The following GAB4 variants were observed in gnomAD, a reference collection of about 807,000 sequenced individuals.
The protein encoded by GAB4 is GRB2-associated-binding protein 4.
Under a neutral mutation model 51.3 loss-of-function variants are expected in GAB4, and 26 were observed. The ratio of observed to expected loss-of-function variants is 0.51; its 90% CI spans 0.37 to 0.70. The LOEUF is 0.70. Among genes scored for constraint, GAB4 ranks in the 30% least tolerant of loss-of-function variants. The pLI is 0.00. For synonymous variants in GAB4, 329 were observed against 291.2 expected (o/e 1.13, Z -1.32); for missense variants, 759 against 734.6 (o/e 1.03, Z -0.38).
At chr22:16,990,914 A>C (rs2060908260) in intron 2 of GAB4, among the ~76,000 whole-genome samples, 1 of 152,106 alleles carries the variant, frequency 6.6e-6, no homozygotes, top group Non-Finnish European at 1.5e-5. Flanking sequence ...TTCTCACGAG[A>C]ATGTGCAGGT....
At chr22:16,999,997 TC>T (rs1433046944) in intron 1 of GAB4, among the ~76,000 whole-genome samples, 2 of 152,228 alleles carry the variant, frequency 1.3e-5, no homozygotes, top group Non-Finnish European at 2.9e-5. Context: ...TGCACTGTGG[TC>T]TGAGACATGG....
Position 16,991,934 on chromosome 22 carries a change from G to C in GAB4, c.417C>G (p.Asp139Glu). The change falls in exon 2 of 10, where the codon GAC becomes GAG. Residue 139 changes from aspartate (D) to glutamate (E), a missense_variant. This residue lies in a region of GAB4 where 88 missense variants were observed against 151.3 expected (regional missense o/e 0.58). Coordinates refer to ENST00000400588, the MANE Select transcript of GAB4 (RefSeq NM_001037814.1). The stretch of plus-strand genomic sequence containing the variant: ...AGATGCTCTGGACCCACTCATTCAT[G>C]TCCTCCCTGGTCTCAGCCACCAGGT... ...TFYLVAETRE[D>E]MNEWVQSICQ... The C allele has an allele frequency of 6.2e-7, 1 of 1,614,034 alleles. No individual in the cohort carries two copies. Among genetic ancestry groups the C allele is most frequent in the Non-Finnish European group, 8.5e-7 (1 of 1,179,896 alleles).
chr22:16,996,749 T>C (rs2060952342), intron 1 of GAB4, among the ~76,000 whole-genome samples: 1 of 152,032 alleles, frequency 6.6e-6, no homozygotes, highest in Admixed American at 6.6e-5. Context: ...GCCATGTTGG[T>C]GTGCTGCATC....
rs62237422 is a variant in GAB4 at position 16,970,066 on chromosome 22, T to A, written c.814A>T (p.Ser272Cys). The change falls in exon 4 of 10, where the codon AGC (serine) becomes TGC (cysteine). Residue 272 changes from serine to cysteine, a missense_variant. Ser to Cys is a moderately radical substitution (Grantham distance 112). Around this residue, in one of 3 missense-constraint regions of GAB4, gnomAD observed 588 missense variants for 510.2 expected, o/e 1.15. Transcript: ENST00000400588. The part of the protein sequence containing the change: ...GVSGHIHGFH[S>C]LSKPSQHNAE... ...TTGTGCTGGCTGGGCTTGGAAAGGC[T>A]ATGGAAGCCATGGATGTGACCGCTG... 2 of 1,614,182 alleles carry A rather than the reference T, an allele frequency of 1.2e-6. No homozygotes were observed. The highest frequency in any genetic ancestry group is 1.1e-5 in the South Asian group (1 of 91,080).
chr22:16,961,972 A>AG lies in GAB4; in HGVS notation c.*760dup, dbSNP rs1201094890. On this transcript the variant is annotated 3_prime_UTR_variant, in exon 10 of 10. Coordinates refer to ENST00000400588, the MANE Select transcript of GAB4 (RefSeq NM_001037814.1). The stretch of plus-strand genomic sequence containing the variant: ...CAGATCAAGCCTTCTTAGGCAGGCA[A>AG]GGGCCCCCCAAGGGGCATCAGCAAA... The AG allele has an allele frequency of 6.6e-6, 1 of 152,356 alleles. No homozygotes were observed. The highest frequency in any genetic ancestry group is 1.5e-5 in the Non-Finnish European group (1 of 68,128). 9.4% of individuals were successfully genotyped at this position (152,356 alleles called of 1,614,324 possible). A position where few individuals can be genotyped will look rare whatever the true frequency, so the allele number is the denominator to read the frequency against.
At chr22:17,001,138 AT>A (rs2060994508) in intron 1 of GAB4, among the ~76,000 whole-genome samples, 1 of 152,074 alleles carries the variant, frequency 6.6e-6, no homozygotes, top group South Asian at 2.1e-4. Flanking sequence ...CTTCTCGAAG[AT>A]TATCTTTGCA....
intron 1 of GAB4, among the ~76,000 whole-genome samples, chr22:17,006,605 C>T (rs1468818149): frequency 6.6e-6 from 1 of 152,088 alleles, no homozygotes; most frequent in Non-Finnish European, 1.5e-5. Context: ...TGGAACCAAC[C>T]CAAATGCCCA....
intron 1 of GAB4, among the ~76,000 whole-genome samples, chr22:17,006,240 T>C (rs1428525513): frequency 1.3e-5 from 2 of 152,162 alleles, no homozygotes; most frequent in Admixed American, 6.5e-5. Flanking sequence ...CAGAAGAAGA[T>C]ATTTATGTGG....
intron 8 of GAB4, 109 bp downstream of exon 8, chr22:16,964,657 G>T: frequency 1.4e-6 from 1 of 704,534 alleles, no homozygotes; most frequent in Non-Finnish European, 2.5e-6. Context: ...AATCACACCT[G>T]ACTGGGCTGG....
chr22:16,970,765 A>C (rs1569093678), intron 3 of GAB4, among the ~76,000 whole-genome samples: 1 of 152,216 alleles, frequency 6.6e-6, no homozygotes, highest in South Asian at 2.1e-4. Flanking sequence ...AGAACTATTC[A>C]GACATAAGCA....
rs773796562 is a variant in GAB4 at position 16,970,131 on chromosome 22, T to G, written c.749A>C (p.Gln250Pro). ...GTATCCACTGTGCTGGGCAAGATTT[T>G]GCATGGCTGTGTTTCTCCTCATGAT... is the stretch of plus-strand genomic sequence containing the variant. ...PFIMRRNTAM[Q>P]NLAQHSGYSV... Residue 250 changes from glutamine to proline, a missense_variant, in exon 4 of 10, where the codon CAA (glutamine) becomes CCA (proline). Around this residue, in one of 3 missense-constraint regions of GAB4, gnomAD observed 588 missense variants for 510.2 expected, o/e 1.15. Transcript: ENST00000400588. The G allele has an allele frequency of 3.8e-5, 62 of 1,614,040 alleles. 1 individual carries two copies. In the South Asian group the frequency reaches 6.5e-4, roughly 17 times the overall value.
intron 3 of GAB4, among the ~76,000 whole-genome samples, chr22:16,970,564 C>G (rs2060722385): frequency 6.6e-6 from 1 of 152,134 alleles, no homozygotes; most frequent in Non-Finnish European, 1.5e-5. Flanking sequence ...AGCAGCAAGC[C>G]AGGTACACTG....
Position 16,969,987 on chromosome 22 carries a change from C to T in GAB4, c.893G>A (p.Gly298Asp), listed in dbSNP as rs1488721206. 3 of 1,614,028 alleles carry T rather than the reference C, an allele frequency of 1.9e-6. No homozygotes were observed. Among genetic ancestry groups the T allele is most frequent in the African/African-American group, 2.7e-5 (2 of 74,890 alleles). The stretch of plus-strand genomic sequence containing the variant: ...GCCTGTGAGGCTGCCTCTGGTGTGG[C>T]CATGGGAGGCCAGGCTCCAGGGGAT... Reference protein sequence around the residue: ...HRIPWSLASHGHTRGSLTGSE... With the variant: ...HRIPWSLASHDHTRGSLTGSE... Residue 298 changes from glycine (G) to aspartate (D), a missense_variant, in exon 4 of 10, where the codon GGC becomes GAC. Coordinates refer to ENST00000400588, the MANE Select transcript of GAB4 (RefSeq NM_001037814.1).
intron 6 of GAB4, 65 bp downstream of exon 6, chr22:16,966,035 C>T (rs2060669449): frequency 5.4e-6 from 8 of 1,483,940 alleles, no homozygotes; most frequent in Middle Eastern, 2.3e-4. Flanking sequence ...CCAGGATCCA[C>T]CTGACACCTA....
At chr22:16,990,894 C>A (rs1435619257) in intron 2 of GAB4, among the ~76,000 whole-genome samples, 2 of 152,120 alleles carry the variant, frequency 1.3e-5, no homozygotes, top group Admixed American at 6.5e-5. Flanking sequence ...GAATGAATTA[C>A]TTACTGACAT....
intron 3 of GAB4, among the ~76,000 whole-genome samples, chr22:16,975,058 G>A (rs2060765777): frequency 6.6e-6 from 1 of 152,174 alleles, no homozygotes; most frequent in Non-Finnish European, 1.5e-5. Context: ...AGGGCCCTGG[G>A]TTTCAAGCAC....
At chr22:16,966,703 G>A (rs964684263) in intron 5 of GAB4, 1 of 270,048 alleles carries the variant, frequency 3.7e-6, no homozygotes, top group Non-Finnish European at 7.1e-6. Context: ...AACTGGAAGT[G>A]TATCTTGCAG....
At chr22:17,000,995 A>G (rs1409843917) in intron 1 of GAB4, among the ~76,000 whole-genome samples, 36 of 152,140 alleles carry the variant, frequency 2.4e-4, no homozygotes, top group Admixed American at 2.4e-3. Context: ...GTAGAGTTTC[A>G]GCCGAGAGAT....
intron 3 of GAB4, among the ~76,000 whole-genome samples, chr22:16,986,794 G>A (rs4819936): frequency 0.091 from 13,898 of 152,226 alleles, 682 homozygotes; most frequent in African/African-American, 0.11. Flanking sequence ...TGATGAAGGC[G>A]GAACTGCTGA....
Sources: gnomAD v4.1 joint callset for allele counts (sites outside exome capture counted in the v4.1 genomes callset) on GRCh38, gnomAD v4.1.1 for gene constraint, gnomAD v4.1.1 regional missense constraint, MANE v1.5 for transcripts, NCBI Gene and HGNC (gene_info 2026-07-23, HGNC 2026-07-21) for gene names.